The following PDE10A variants were observed in gnomAD, a reference collection of about 807,000 sequenced individuals.
PDE10A encodes the protein phosphodiesterase 10A, also known as cAMP and cAMP-inhibited cGMP 3',5'-cyclic phosphodiesterase 10A.
Under a neutral mutation model 97.7 loss-of-function variants are expected in PDE10A, and 39 were observed. The ratio of observed to expected loss-of-function variants is 0.40; its 90% confidence interval spans 0.31 to 0.52. PDE10A has a LOEUF of 0.52. PDE10A is among the 20% of genes least tolerant of loss of function. PDE10A has a pLI of 0.56. For missense variants in PDE10A, 731 were observed against 1,047.8 expected, an observed-to-expected ratio of 0.70 and a Z score of 4.17; for synonymous variants, 371 against 376.8, an observed-to-expected ratio of 0.98 and a Z score of 0.18.
At chr6:165,813,799 A>AAT (rs1194934945) in intron 1 of PDE10A, among the ~76,000 whole-genome samples, 7 of 151,822 alleles carry the variant, frequency 4.6e-5, no homozygotes, top group Non-Finnish European at 8.8e-5. Flanking sequence ...GACAAAAAAA[A>AAT]AAATAGTCTG....
intron 1 of PDE10A, among the ~76,000 whole-genome samples, chr6:165,727,803 A>C (rs1378569597): frequency 1.3e-5 from 2 of 152,246 alleles, no homozygotes; most frequent in East Asian, 3.8e-4. Context: ...ATGTTTCCAA[A>C]GAACAATGAA....
chr6:165,735,611 A>C (rs148976540), intron 1 of PDE10A, among the ~76,000 whole-genome samples: 136 of 152,232 alleles, frequency 8.9e-4, no homozygotes, highest in Non-Finnish European at 1.5e-3. Flanking sequence ...AACCAGGAAA[A>C]GCCAATGTCC....
chr6:165,671,762 C>T lies in PDE10A; in HGVS notation c.-614-128194G>A, dbSNP rs1790653712. On this transcript the variant is annotated intron_variant, in intron 1 of 19. Transcript: ENST00000366882. The surrounding 1 kb of genome is among the most constrained non-coding windows in gnomAD (Gnocchi z 4.6). ...ATATATGTGTGTGTTTACATATATA[C>T]AGTGTGTGTGTGCTTTATTCTCTAA... Among the ~76,000 whole-genome samples the T allele has an allele frequency of 6.6e-6, 1 of 151,986 alleles. No homozygotes were observed. Among genetic ancestry groups the T allele is most frequent in the South Asian group, 2.1e-4 (1 of 4,798 alleles).
At chr6:165,832,046 T>TAA (rs1779935911) in intron 1 of PDE10A, among the ~76,000 whole-genome samples, 1 of 152,216 alleles carries the variant, frequency 6.6e-6, no homozygotes, top group South Asian at 2.1e-4. Flanking sequence ...AAAGGACTGT[T>TAA]ACAATGAGAC....
At chr6:165,659,044 G>A (rs1348554529) in intron 1 of PDE10A, among the ~76,000 whole-genome samples, 5 of 152,234 alleles carry the variant, frequency 3.3e-5, no homozygotes, top group African/African-American at 1.2e-4. Flanking sequence ...GGGTCCTGGC[G>A]GTAGCTCTTA....
At chr6:165,390,209 C>T (rs1209442362) in intron 16 of PDE10A, among the ~76,000 whole-genome samples, 5 of 152,274 alleles carry the variant, frequency 3.3e-5, no homozygotes, top group Non-Finnish European at 5.9e-5. Flanking sequence ...CTGGTGCATT[C>T]GCAGGAAAAC....
At chr6:165,518,083 A>G (rs1781918887) in intron 2 of PDE10A, among the ~76,000 whole-genome samples, 1 of 152,206 alleles carries the variant, frequency 6.6e-6, no homozygotes, top group African/African-American at 2.4e-5. Flanking sequence ...TCTGATTCCA[A>G]AGCCTGAACA....
At chr6:165,547,600 C>A (rs1023451668) in intron 1 of PDE10A, among the ~76,000 whole-genome samples, 14 of 152,104 alleles carry the variant, frequency 9.2e-5, no homozygotes, top group African/African-American at 3.4e-4. Flanking sequence ...ATTCAGCCAG[C>A]AATCTGAGGG....
intron 1 of PDE10A, among the ~76,000 whole-genome samples, chr6:165,967,334 T>C (rs917116815): frequency 2.0e-5 from 3 of 152,108 alleles, no homozygotes; most frequent in African/African-American, 7.2e-5. Flanking sequence ...CCACCTCTAC[T>C]AAAAATACAA....
At position 165,392,646 on chromosome 6, in the gene PDE10A, C is replaced by A; in HGVS notation, c.2454G>T (p.Glu818Asp). ...ACAGAGGTAAAGAGTGCACACCCAC[C>A]TCAAGGTCTGTGAAAAGCGTGTGAT... ...QNNHTLFTDL[E>D]RKGLLIACLC... The change falls in exon 16 of 22, where the codon GAG (glutamate) becomes GAT (aspartate). Residue 818 changes from glutamate to aspartate, a missense_variant and splice_region_variant. Around this residue, in one of 8 missense-constraint regions of PDE10A, gnomAD observed 131 missense variants for 187.4 expected, o/e 0.70. Coordinates refer to ENST00000539869, the MANE Select transcript of PDE10A (RefSeq NM_001385079.1). 1 of 1,613,576 alleles carries A rather than the reference C, an allele frequency of 6.2e-7. No homozygotes were observed. The highest frequency in any genetic ancestry group is 8.5e-7 in the Non-Finnish European group (1 of 1,179,540).
At chr6:165,400,775 T>C (rs990485653) in intron 13 of PDE10A, among the ~76,000 whole-genome samples, 2 of 152,208 alleles carry the variant, frequency 1.3e-5, no homozygotes, top group African/African-American at 4.8e-5. Context: ...TGTTTGTTTG[T>C]AGCTTTAGTG....
At chr6:165,811,229 A>C (rs73243824) in intron 1 of PDE10A, among the ~76,000 whole-genome samples, 44,762 of 152,144 alleles carry the variant, frequency 0.29, 7,795 homozygotes, top group African/African-American at 0.49. Flanking sequence ...TCTCAAAAAA[A>C]ACAAACACAA....
intron 13 of PDE10A, among the ~76,000 whole-genome samples, chr6:165,408,874 T>G (rs374387825): frequency 2.0e-5 from 3 of 151,920 alleles, no homozygotes; most frequent in East Asian, 3.9e-4. Context: ...ATACTGCAGT[T>G]AAAAAATGGG....
chr6:165,983,439 C>T (rs79370722), intron 1 of PDE10A, among the ~76,000 whole-genome samples: 4 of 152,066 alleles, frequency 2.6e-5, no homozygotes, highest in Non-Finnish European at 4.4e-5. Flanking sequence ...TGAACAGGAC[C>T]GAAGGGCTTT....
Position 165,598,948 on chromosome 6 carries a change from T to G in PDE10A, c.866-55380A>C, listed in dbSNP as rs372533711. On this transcript the variant is annotated intron_variant, in intron 1 of 21. Transcript: ENST00000539869. ...CAGTTCTCTCTATGGAATGCTCTCT[T>G]TTCTCTTTTCTACCCTACGCAGACT... Among the ~76,000 whole-genome samples, 13 of 152,238 alleles carry G rather than the reference T, an allele frequency of 8.5e-5. No homozygotes were observed. In the East Asian group the frequency reaches 9.7e-4, roughly 11 times the overall value.
chr6:165,344,136 ATTCATAACTAGGTGCTCCATGTCTGACT>A (rs757519413), intron 18 of PDE10A, among the ~76,000 whole-genome samples: 77 of 152,292 alleles, frequency 5.1e-4, no homozygotes, highest in Non-Finnish European at 8.8e-5. Flanking sequence ...AGCTGCTTGC[ATTCATAACTAGGTGCTCCATGTCTGACT>A]TTATTTTCTA....
At chr6:165,958,454 G>C (rs1255667855) in intron 1 of PDE10A, among the ~76,000 whole-genome samples, 2 of 99,460 alleles carry the variant, frequency 2.0e-5, no homozygotes, top group African/African-American at 3.1e-5. Flanking sequence ...AACAAAGAGA[G>C]AAAACAAAAG....
chr6:165,909,955 G>T (rs538674416), intron 1 of PDE10A, among the ~76,000 whole-genome samples: 22 of 151,940 alleles, frequency 1.4e-4, no homozygotes, highest in African/African-American at 4.8e-4. Flanking sequence ...TATAAGGCTC[G>T]CTCCCACATC....
At chr6:165,402,942 T>C (rs1350536659) in intron 13 of PDE10A, among the ~76,000 whole-genome samples, 1 of 152,012 alleles carries the variant, frequency 6.6e-6, no homozygotes, top group Non-Finnish European at 1.5e-5. Context: ...AAACCTAGAG[T>C]CACTTTAGGG....
Sources: allele counts gnomAD v4.1 joint callset (sites outside exome capture counted in the v4.1 genomes callset), GRCh38; gene constraint gnomAD v4.1.1; regional missense constraint gnomAD v4.1.1; non-coding constraint Gnocchi (gnomAD v3.1); transcripts MANE v1.5; gene names NCBI Gene and HGNC (gene_info 2026-07-23, HGNC 2026-07-21).